LAMA5: variants seen among roughly 807,000 people sequenced by gnomAD.
LAMA5 encodes the protein laminin subunit alpha-5.
In LAMA5, 260 loss-of-function variants were observed where a neutral mutation model predicts 433.4. The ratio of observed to expected loss-of-function variants is 0.60; its 90% CI spans 0.54 to 0.66. LAMA5 has a LOEUF of 0.66. Ranked by LOEUF, LAMA5 falls within the 30% of genes least tolerant of loss-of-function variation. LAMA5 has a pLI of 0.00. For missense variants in LAMA5, 5,378 were observed against 5,258.5 expected, an observed-to-expected ratio of 1.02 and a Z score of -0.70; for synonymous variants, 2,620 against 2,226.6, an observed-to-expected ratio of 1.18 and a Z score of -4.97.
At chr20:62,350,058 G>A (rs1984061008) in intron 6 of LAMA5, among the ~76,000 whole-genome samples, 1 of 151,742 alleles carries the variant, frequency 6.6e-6, no homozygotes. Context: ...GTGGTTCCAT[G>A]AAAGATTCCC....
chr20:62,340,366 C>T (rs1294932540), intron 11 of LAMA5, among the ~76,000 whole-genome samples: 1 of 127,144 alleles, frequency 7.9e-6, no homozygotes, highest in African/African-American at 2.9e-5. Context: ...GGCTGGAGTG[C>T]AGTGGCGCCA....
At chr20:62,310,135 G>A (rs767805823) in intron 77 of LAMA5, 43 bp downstream of exon 77, 2 of 1,611,608 alleles carry the variant, frequency 1.2e-6, no homozygotes, top group Admixed American at 3.3e-5. Flanking sequence ...ACCAGAATGG[G>A]GAGGCAAACC....
Position 62,333,483 on chromosome 20 carries a change from T to TG in LAMA5, c.3022-3dup. 1 of 1,610,654 alleles carries TG rather than the reference T, an allele frequency of 6.2e-7. No homozygotes were observed. The highest frequency in any genetic ancestry group is 8.5e-7 in the Non-Finnish European group (1 of 1,179,080). ...GCTAGGCAGCAGAACCACGTAGTCC[T>TG]GCAGGGTGGAGGTGGTGCTGAGAGT... is the stretch of plus-strand genomic sequence containing the variant. On this transcript the variant is annotated splice_region_variant and splice_polypyrimidine_tract_variant and intron_variant, in intron 24 of 79. Transcript: ENST00000252999.
At chr20:62,313,031 T>TAGTGTGGGGCAGGGTC in intron 65 of LAMA5, 21 bp from the exon 66 acceptor site, 2 of 1,592,002 alleles carry the variant, frequency 1.3e-6, no homozygotes, top group Non-Finnish European at 1.7e-6. Flanking sequence ...AGGGCAGGGT[T>TAGTGTGGGGCAGGGTC]AGTGTGGGGC....
chr20:62,330,327 T>A (rs1383392211), intron 31 of LAMA5, among the ~76,000 whole-genome samples, 161 bp downstream of exon 31: 2 of 151,820 alleles, frequency 1.3e-5, no homozygotes, highest in Non-Finnish European at 1.5e-5. Flanking sequence ...AGCGGGCGGG[T>A]AGGGGCTGCG....
chr20:62,329,892 G>T lies in LAMA5; in HGVS notation c.4004C>A (p.Pro1335Gln). ...CAGGGTGCGGCAGCCGTAGCCATGT[G>T]GACAGAAGCTGGCGTTGGCGTGGCC... ...WQGHANASFC[P>Q]HGYGCRTLVV... The change falls in exon 32 of 80, where the codon CCA becomes CAA. Residue 1335 changes from proline (P) to glutamine (Q), a missense_variant. By Grantham distance (76) the Pro-to-Gln change is moderately conservative (BLOSUM62 -1). Coordinates refer to ENST00000252999, the MANE Select transcript of LAMA5 (RefSeq NM_005560.6). The T allele has an allele frequency of 6.2e-7, 1 of 1,612,176 alleles. No homozygotes were observed. The highest frequency in any genetic ancestry group is 8.5e-7 in the Non-Finnish European group (1 of 1,179,818).
intron 11 of LAMA5, among the ~76,000 whole-genome samples, chr20:62,344,502 TA>T (rs1466030728): frequency 6.6e-6 from 1 of 152,070 alleles, no homozygotes; most frequent in Non-Finnish European, 1.5e-5. Flanking sequence ...CTCTGTCACC[TA>T]GGCTGGAGTG....
chr20:62,335,025 G>A lies in LAMA5; in HGVS notation c.2478C>T (p.Cys826=). Reference sequence around the variant, plus strand: ...GACGAGCGAGTGGGCACTCACTGCGGCAGCCAAAATAGTCAGCCTGATCCA... The same window carrying A: ...GACGAGCGAGTGGGCACTCACTGCGACAGCCAAAATAGTCAGCCTGATCCA... ...FGLDQADYFG[C]RSCRCDIGGA... The change falls in exon 20 of 80, where the codon TGC becomes TGT. Residue 826 remains cysteine (C), a synonymous_variant. Coordinates refer to ENST00000252999, the MANE Select transcript of LAMA5 (RefSeq NM_005560.6). 1 of 1,612,524 alleles carries A rather than the reference G, an allele frequency of 6.2e-7. No individual in the cohort carries two copies. Among genetic ancestry groups the A allele is most frequent in the South Asian group, 1.1e-5 (1 of 91,084 alleles).
Position 62,328,301 on chromosome 20 carries a change from G to A in LAMA5, c.4592C>T (p.Ser1531Leu), listed in dbSNP as rs1302879446. Reference protein sequence around the residue: ...PLVGCEECNCSGPGIQELTDP... With the variant: ...PLVGCEECNCLGPGIQELTDP... ...TGTGAGCTCCTGGATGCCGGGCCCT[G>A]AGCAGTTACACTCCTCACAGCCGAC... The change falls in exon 35 of 80, where the codon TCA becomes TTA. Residue 1531 changes from serine (S) to leucine (L), a missense_variant. Physicochemically the swap from Ser to Leu is moderately radical, Grantham distance 145 (BLOSUM62 -2). Transcript: ENST00000252999. 2.5e-6 allele frequency: 4 copies of A among 1,607,376 alleles called. No individual in the cohort carries two copies. The highest frequency in any genetic ancestry group is 3.3e-4 in the Middle Eastern group (2 of 6,064).
At position 62,324,275 on chromosome 20, in the gene LAMA5, C is replaced by A; in HGVS notation, c.5644-71G>T. 1 of 1,548,590 alleles carries A rather than the reference C, an allele frequency of 6.5e-7. No homozygotes were observed. The highest frequency in any genetic ancestry group is 8.7e-7 in the Non-Finnish European group (1 of 1,149,980). ...TACTGCCGAGTCTGTGCAGCTCCCACCACCCCTGCCTCAGACTCTGTGCCC... is the reference window on the plus strand; with the variant it reads ...TACTGCCGAGTCTGTGCAGCTCCCAACACCCCTGCCTCAGACTCTGTGCCC... On this transcript the variant is annotated intron_variant, in intron 42 of 79. Coordinates refer to ENST00000252999, the MANE Select transcript of LAMA5 (RefSeq NM_005560.6). This position sits in a 1 kb window ranked among gnomAD's most constrained non-coding sequence, Gnocchi z 4.4.
chr20:62,333,120 G>T lies in LAMA5; in HGVS notation c.3252C>A (p.His1084Gln). Residue 1084 changes from histidine to glutamine, a missense_variant, in exon 26 of 80, where the codon CAC (histidine) becomes CAA (glutamine). By Grantham distance (24) the His-to-Gln change is conservative. Coordinates refer to ENST00000252999, the MANE Select transcript of LAMA5 (RefSeq NM_005560.6). ...TGCCCGTGCAGGTGATCAGTGGCGG[G>T]TGCGACGGGCTGAGCTGCTCCGTGG... The part of the protein sequence containing the change: ...PCPTEQLSPS[H>Q]PPLITCTGSD... 1 of 1,479,616 alleles carries T rather than the reference G, an allele frequency of 6.8e-7. No individual in the cohort carries two copies. The highest frequency in any genetic ancestry group is 9.0e-7 in the Non-Finnish European group (1 of 1,115,616). The allele number at this position is 1,479,616 out of a possible 1,614,324, so 91.7% of individuals were successfully genotyped here.
rs752851326 is a variant in LAMA5 at position 62,337,679 on chromosome 20, C to A, written c.2075G>T (p.Arg692Leu). Residue 692 changes from arginine (R) to leucine (L), a missense_variant, in exon 16 of 80, where the codon CGG becomes CTG. Transcript: ENST00000252999. ...EGSLHAACDP[R>L]SGQCSCRPRV... ...GGGCCGGCAGCTGCACTGCCCACTC[C>A]GGGGGTCACAGGCTGCGTGCAGGGA... is the stretch of plus-strand genomic sequence containing the variant. The A allele has an allele frequency of 6.2e-7, 1 of 1,611,982 alleles. No individual in the cohort carries two copies. The highest frequency in any genetic ancestry group is 8.5e-7 in the Non-Finnish European group (1 of 1,179,542).
At chr20:62,325,107 A>AGGCAGATGAGGGGCAGGCAGATGAGG (rs1555876019) in intron 41 of LAMA5, 69 of 527,588 alleles carry the variant, frequency 1.3e-4, no homozygotes, top group East Asian at 1.1e-3. Context: ...GATGAGGGGC[A>AGGCAGATGAGGGGCAGGCAGATGAGG]GGCAGGCGGA....
chr20:62,366,837 G>A (rs1986785105), intron 1 of LAMA5, 112 bp downstream of exon 1: 1 of 1,218,962 alleles, frequency 8.2e-7, no homozygotes, highest in Non-Finnish European at 1.0e-6. Context: ...TGCGGAACCA[G>A]AGAGTCCGCA....
rs906537507 is a variant in LAMA5 at position 62,309,399 on chromosome 20, G to A, written c.11025C>T (p.Val3675=). 3.0e-5 allele frequency: 48 copies of A among 1,588,322 alleles called. No individual in the cohort carries two copies. The African/African-American group carries it at 3.6e-4, about 12-fold the overall frequency. Residue 3675 remains valine, a synonymous_variant, in exon 80 of 80, where the codon GTC becomes GTT. Coordinates refer to ENST00000252999, the MANE Select transcript of LAMA5 (RefSeq NM_005560.6). ...MRRLAVNRSP[V]AMTRSVEVHG... The stretch of plus-strand genomic sequence containing the variant: ...GGACCTCCACAGAGCGAGTCATGGC[G>A]ACGGGGGACCGGTTCACCGCCAGCC...
At position 62,311,116 on chromosome 20, in the gene LAMA5, G is replaced by C. The variant is rs747055901; in HGVS notation, c.10089-22C>G. 1.9e-6 allele frequency: 3 copies of C among 1,564,218 alleles called. No individual in the cohort carries two copies. In the East Asian group the frequency reaches 6.8e-5, roughly 35 times the overall value. Reference sequence around the variant, plus strand: ...GGGCCTGGAAGCGGAGCTGGCGTCAGCCTGCGCGGCCCCTCTCAGCCCACC... The same window carrying C: ...GGGCCTGGAAGCGGAGCTGGCGTCACCCTGCGCGGCCCCTCTCAGCCCACC... On this transcript the variant is annotated intron_variant, in intron 73 of 79. Transcript: ENST00000252999.
At chr20:62,361,761 C>T (rs182759197) in intron 2 of LAMA5, among the ~76,000 whole-genome samples, 11 of 152,350 alleles carry the variant, frequency 7.2e-5, no homozygotes, top group East Asian at 1.9e-4. Context: ...GCTGGGTACC[C>T]GGGCCAAGTC....
In LAMA5 at chr20:62,310,323, G is replaced by A. The variant is rs560386755; in HGVS notation, c.10601-12C>T. The A allele has an allele frequency of 1.4e-5, 23 of 1,590,104 alleles. No individual in the cohort carries two copies. The highest frequency in any genetic ancestry group is 1.5e-5 in the Non-Finnish European group (18 of 1,166,890). On this transcript the variant is annotated splice_polypyrimidine_tract_variant and intron_variant, in intron 76 of 79. Transcript: ENST00000252999. ...AGCTCCTGGGAGGTCTGCGGGGAGG[G>A]GTTGTGATGGAGAAGAAAGGGGGGG...
chr20:62,361,192 G>T (rs1236998032), intron 2 of LAMA5, among the ~76,000 whole-genome samples: 2 of 152,032 alleles, frequency 1.3e-5, no homozygotes, highest in African/African-American at 4.8e-5. Context: ...GGGGACAGGG[G>T]AGTCAGATGC....
Sources: gnomAD v4.1 joint callset for allele counts (sites outside exome capture counted in the v4.1 genomes callset) on GRCh38, gnomAD v4.1.1 for gene constraint, Gnocchi (gnomAD v3.1) non-coding constraint, MANE v1.5 for transcripts, NCBI Gene and HGNC (gene_info 2026-07-23, HGNC 2026-07-21) for gene names.